Variants in PKHD1L1 observed in about 807,000 individuals in gnomAD.
PKHD1L1 encodes the protein fibrocystin-L.
Under a neutral mutation model 462.9 loss-of-function variants are expected in PKHD1L1, and 434 were observed. The ratio of observed to expected loss-of-function variants is 0.94; its 90% CI spans 0.87 to 1.02. The LOEUF is 1.02. Among genes scored for constraint, PKHD1L1 ranks in the 50% least tolerant of loss-of-function variants. The probability of loss-of-function intolerance (pLI) is 0.00; values close to 1 mark genes in which losing one functional copy is unlikely to be tolerated. For missense variants in PKHD1L1, 5,202 were observed against 5,096.1 expected (o/e 1.02, Z -0.63); for synonymous variants, 1,781 against 1,750.0 (o/e 1.02, Z -0.44).
At chr8:109,419,792 T>C (rs1814371792) in intron 22 of PKHD1L1, among the ~76,000 whole-genome samples, 1 of 152,210 alleles carries the variant, frequency 6.6e-6, no homozygotes, top group South Asian at 2.1e-4. Flanking sequence ...CCACGATCTT[T>C]TAAAAAATTA....
In PKHD1L1 at chr8:109,445,381, C is replaced by A. The variant is rs758884975; in HGVS notation, c.5512C>A (p.Pro1838Thr). ...CAGCCCCCCAGTAGCATCTCTATCA[C>A]CAACTTCTGGAAGCATTGGTGGTGG... ...VSSPPVASLS[P>T]TSGSIGGGTT... is the part of the protein sequence containing the mutation. The change falls in exon 38 of 78, where the codon CCA becomes ACA. Residue 1838 changes from proline to threonine, a missense_variant. Pro to Thr is a conservative substitution (Grantham distance 38). Transcript: ENST00000378402. 6.2e-7 allele frequency: 1 copy of A among 1,613,946 alleles called. No homozygotes were observed. The highest frequency in any genetic ancestry group is 8.5e-7 in the Non-Finnish European group (1 of 1,179,884).
At chr8:109,453,411 A>G (rs2130793964) in intron 43 of PKHD1L1, among the ~76,000 whole-genome samples, 1 of 152,122 alleles carries the variant, frequency 6.6e-6, no homozygotes, top group African/African-American at 2.4e-5. Flanking sequence ...GCTGTGTTTT[A>G]TTTTTTACTA....
At chr8:109,382,377 C>A in intron 3 of PKHD1L1, 86 bp from the exon 4 acceptor site, 1 of 1,045,258 alleles carries the variant, frequency 9.6e-7, no homozygotes, top group Non-Finnish European at 1.3e-6. Context: ...AAATAGCCTG[C>A]AGTCTGGGGC....
In PKHD1L1 at chr8:109,444,718, T is replaced by C. The variant is rs768804294; in HGVS notation, c.4849T>C (p.Cys1617Arg). ...VEESSEDSIT[C>R]HIDPQNSMDV... ...AGAAAGTAGTGAGGATTCAATTACATGTCATATTGACCCTCAAAACTCAAT... is the reference window on the plus strand; with the variant it reads ...AGAAAGTAGTGAGGATTCAATTACACGTCATATTGACCCTCAAAACTCAAT... The change falls in exon 38 of 78, where the codon TGT (cysteine) becomes CGT (arginine). Residue 1617 changes from cysteine (C) to arginine (R), a missense_variant. Physicochemically the swap from Cys to Arg is radical, Grantham distance 180. This residue lies in a region of PKHD1L1 where 4,497 missense variants were observed against 4,336.8 expected (regional missense o/e 1.04). Transcript: ENST00000378402. 6.2e-7 allele frequency: 1 copy of C among 1,613,842 alleles called. No homozygotes were observed. The highest frequency in any genetic ancestry group is 1.7e-5 in the Admixed American group (1 of 60,020).
At chr8:109,437,645 TG>T (rs1363795955) in intron 30 of PKHD1L1, among the ~76,000 whole-genome samples, 1 of 151,870 alleles carries the variant, frequency 6.6e-6, no homozygotes, top group Non-Finnish European at 1.5e-5. Flanking sequence ...GCAGAGTAAA[TG>T]GGGGTATTAT....
intron 65 of PKHD1L1, 67 bp downstream of exon 65, chr8:109,497,339 G>A (rs1209957029): frequency 3.9e-6 from 6 of 1,521,708 alleles, no homozygotes; most frequent in Non-Finnish European, 5.4e-6. Flanking sequence ...ATTTCTGAAG[G>A]ACTAATAAGA....
At chr8:109,452,361 T>A (rs1485104917) in intron 42 of PKHD1L1, 81 bp downstream of exon 42, 5 of 1,271,626 alleles carry the variant, frequency 3.9e-6, no homozygotes, top group Non-Finnish European at 4.1e-6. Context: ...AATTGTTGTT[T>A]TACTTTAATG....
intron 38 of PKHD1L1, among the ~76,000 whole-genome samples, chr8:109,445,958 T>C (rs967238964): frequency 3.3e-5 from 5 of 152,180 alleles, no homozygotes; most frequent in Non-Finnish European, 7.3e-5. Flanking sequence ...ATGTTATTGA[T>C]GTTGATTTGC....
At chr8:109,480,177 T>C (rs1818205104) in intron 55 of PKHD1L1, 38 bp downstream of exon 55, 3 of 1,499,280 alleles carry the variant, frequency 2.0e-6, no homozygotes, top group Non-Finnish European at 1.8e-6. Flanking sequence ...TCTTTATTAA[T>C]CTAATTCTAA....
Position 109,425,164 on chromosome 8 carries a change from G to C in PKHD1L1, c.2777G>C (p.Arg926Thr), listed in dbSNP as rs769462752. Residue 926 changes from arginine (R) to threonine (T), a missense_variant, in exon 24 of 78, where the codon AGA becomes ACA. Coordinates refer to ENST00000378402, the MANE Select transcript of PKHD1L1 (RefSeq NM_177531.6). ...WPGESKIHIQ[R>T]IQAASPPLSG... ...GGCGAGTCAAAAATTCATATTCAAAGAATTCAAGCTGCATCTCCACCTCTA... is the reference window on the plus strand; with the variant it reads ...GGCGAGTCAAAAATTCATATTCAAACAATTCAAGCTGCATCTCCACCTCTA... The C allele has an allele frequency of 3.1e-6, 5 of 1,609,498 alleles. No homozygotes were observed. The highest frequency in any genetic ancestry group is 4.2e-6 in the Non-Finnish European group (5 of 1,178,120).
Position 109,461,850 on chromosome 8 carries a change from T to C in PKHD1L1, c.7325T>C (p.Met2442Thr). The C allele has an allele frequency of 1.9e-6, 3 of 1,606,484 alleles. No individual in the cohort carries two copies. Among genetic ancestry groups the C allele is most frequent in the South Asian group, 1.1e-5 (1 of 89,246 alleles). Residue 2442 changes from methionine (M) to threonine (T), a missense_variant, in exon 48 of 78, where the codon ATG becomes ACG. Transcript: ENST00000378402. Reference protein sequence around the residue: ...IGSDQFGGCVMFHAPVPGANM... With the variant: ...IGSDQFGGCVTFHAPVPGANM... The stretch of plus-strand genomic sequence containing the variant: ...AGTGACCAATTTGGAGGCTGCGTTA[T>C]GTTTCATGCTCCTGTACCTGGTGCT...
chr8:109,489,619 G>A (rs1818727251), intron 59 of PKHD1L1, among the ~76,000 whole-genome samples: 2 of 151,970 alleles, frequency 1.3e-5, no homozygotes, highest in South Asian at 4.1e-4. Flanking sequence ...CCCCCAGGAG[G>A]AAAAACTTAG....
At chr8:109,396,560 T>C (rs1030675644) in intron 11 of PKHD1L1, among the ~76,000 whole-genome samples, 4 of 152,252 alleles carry the variant, frequency 2.6e-5, no homozygotes, top group African/African-American at 7.2e-5. Flanking sequence ...TCTTCTCATA[T>C]ACTGTGCCTC....
intron 2 of PKHD1L1, among the ~76,000 whole-genome samples, chr8:109,376,011 A>G (rs1398005512): frequency 6.6e-6 from 1 of 152,180 alleles, no homozygotes; most frequent in Non-Finnish European, 1.5e-5. Flanking sequence ...TGGGAGAACC[A>G]CTACTCTCTT....
At chr8:109,466,800 ATTTAAATATATCTTCCT>A in intron 50 of PKHD1L1, 31 bp downstream of exon 50, 1 of 1,538,352 alleles carries the variant, frequency 6.5e-7, no homozygotes, top group East Asian at 2.3e-5. Flanking sequence ...TAAACAACTA[ATTTAAATATATCTTCCT>A]AAACTTTTGT....
At chr8:109,414,709 C>T (rs1423808376) in intron 21 of PKHD1L1, among the ~76,000 whole-genome samples, 1 of 151,800 alleles carries the variant, frequency 6.6e-6, no homozygotes, top group Non-Finnish European at 1.5e-5. Context: ...GGAACAAGCA[C>T]GAGGGAGAAC....
chr8:109,401,022 A>C (rs1813244097), intron 13 of PKHD1L1, among the ~76,000 whole-genome samples: 1 of 152,176 alleles, frequency 6.6e-6, no homozygotes, highest in African/African-American at 2.4e-5. Flanking sequence ...TGTACTCCAA[A>C]GCATGTGTAC....
At chr8:109,521,470 G>C (rs371171221) in intron 73 of PKHD1L1, among the ~76,000 whole-genome samples, 1 of 152,196 alleles carries the variant, frequency 6.6e-6, no homozygotes, top group African/African-American at 2.4e-5. Context: ...CAGGGACAGA[G>C]AGAGTTAGAA....
chr8:109,444,121 C>CT (rs201227375), intron 37 of PKHD1L1, among the ~76,000 whole-genome samples: 2 of 130,312 alleles, frequency 1.5e-5, no homozygotes, highest in African/African-American at 5.7e-5. Context: ...TACCTCCCCC[C>CT]CCCAAAAAAA....
Sources: gnomAD v4.1 joint callset for allele counts (sites outside exome capture counted in the v4.1 genomes callset) on GRCh38, gnomAD v4.1.1 for gene constraint, gnomAD v4.1.1 regional missense constraint, MANE v1.5 for transcripts, NCBI Gene and HGNC (gene_info 2026-07-23, HGNC 2026-07-21) for gene names.